RNF130: variants seen among roughly 807,000 people sequenced by gnomAD.
RNF130 encodes E3 ubiquitin-protein ligase RNF130.
In RNF130, 21 loss-of-function variants were observed where a neutral mutation model predicts 44.6. The ratio of observed to expected loss-of-function variants is 0.47; its 90% CI spans 0.33 to 0.68. The LOEUF is 0.68. RNF130 is among the 30% of genes least tolerant of loss of function. The pLI is 0.02. For synonymous variants in RNF130, 214 were observed against 210.4 expected, an observed-to-expected ratio of 1.02 and a Z score of -0.15; for missense variants, 479 against 560.6, an observed-to-expected ratio of 0.85 and a Z score of 1.47.
At chr5:179,972,418 A>G (rs1342835464) in intron 5 of RNF130, among the ~76,000 whole-genome samples, 1 of 152,216 alleles carries the variant, frequency 6.6e-6, no homozygotes, top group Admixed American at 6.5e-5. Context: ...TCAGGCCTAC[A>G]CAGGGTGGAC....
intron 7 of RNF130, among the ~76,000 whole-genome samples, chr5:179,933,435 A>G (rs1282425383): frequency 5.1e-5 from 1 of 19,440 alleles, no homozygotes; most frequent in African/African-American, 1.7e-4. Flanking sequence ...TGTGTGGTAA[A>G]AAGCATATAA....
At chr5:180,048,691 T>A (rs940057945) in intron 1 of RNF130, among the ~76,000 whole-genome samples, 1 of 152,130 alleles carries the variant, frequency 6.6e-6, no homozygotes, top group Non-Finnish European at 1.5e-5. Context: ...TATTTTGCGG[T>A]GAAGAATTCA....
At chr5:180,061,916 A>G (rs909033180) in intron 1 of RNF130, among the ~76,000 whole-genome samples, 2 of 152,182 alleles carry the variant, frequency 1.3e-5, no homozygotes, top group African/African-American at 4.8e-5. Context: ...TGTTTCACAT[A>G]GTTCTGTAGG....
At chr5:179,998,880 T>TAC in intron 3 of RNF130, among the ~76,000 whole-genome samples, 1 of 129,458 alleles carries the variant, frequency 7.7e-6, no homozygotes, top group African/African-American at 2.8e-5. Flanking sequence ...TATATATATA[T>TAC]ATATGTTTTA....
At position 179,966,824 on chromosome 5, in the gene RNF130, T is replaced by C; in HGVS notation, c.1132A>G (p.Ile378Val). ...CACTTACTTGTTACTGCAATGTTGA[T>C]TTCTCCTGTTCTCGGAGTGAGCTCC... ...DGELTPRTGE[I>V]NIAVTKEWFI... is the part of the protein sequence containing the mutation. The change falls in exon 7 of 9, where the codon ATC becomes GTC. Residue 378 changes from isoleucine (I) to valine (V), a missense_variant. Transcript: ENST00000521389. 1 of 1,613,974 alleles carries C rather than the reference T, an allele frequency of 6.2e-7. No individual in the cohort carries two copies. Among genetic ancestry groups the C allele is most frequent in the Non-Finnish European group, 8.5e-7 (1 of 1,179,936 alleles).
At chr5:179,963,696 A>G (rs1033917501) in intron 7 of RNF130, 132 bp from the exon 8 acceptor site, 1 of 683,870 alleles carries the variant, frequency 1.5e-6, no homozygotes, top group African/African-American at 1.8e-5. Flanking sequence ...AAGGAAGTGA[A>G]GCAGGAGGTT....
chr5:179,927,711 C>G (rs1019138676), intron 7 of RNF130, among the ~76,000 whole-genome samples: 2 of 151,554 alleles, frequency 1.3e-5, no homozygotes, highest in Non-Finnish European at 2.9e-5. Flanking sequence ...GCCTCAGTCT[C>G]CTGAGTATGG....
exon 8 of RNF130, chr5:179,918,316 A>G (rs1241591173): frequency 6.6e-6 from 1 of 152,210 alleles, no homozygotes. Flanking sequence ...ACTTCTTCTC[A>G]CGTAATTTCA....
chr5:179,987,171 T>C (rs1471347945), intron 3 of RNF130, among the ~76,000 whole-genome samples: 1 of 152,068 alleles, frequency 6.6e-6, no homozygotes, highest in Non-Finnish European at 1.5e-5. Context: ...TTCTTTCTTC[T>C]ATTTTTTTTC....
At position 180,053,290 on chromosome 5, in the gene RNF130, G is replaced by C. The variant is rs1213660710; in HGVS notation, c.248-12643C>G. On this transcript the variant is annotated intron_variant, in intron 1 of 8. Coordinates refer to ENST00000521389, the MANE Select transcript of RNF130 (RefSeq NM_018434.6). ...GGACAGTGGCCAGGCATATCCCGGT[G>C]AACAGCTGCCCGAACCCAATGCAGG... Among the ~76,000 whole-genome samples, 4 of 152,008 alleles carry C rather than the reference G, an allele frequency of 2.6e-5. No individual in the cohort carries two copies. The East Asian group carries it at 7.7e-4, about 29-fold the overall frequency.
At chr5:179,998,084 C>G (rs902761566) in intron 3 of RNF130, among the ~76,000 whole-genome samples, 1 of 152,184 alleles carries the variant, frequency 6.6e-6, no homozygotes, top group African/African-American at 2.4e-5. Flanking sequence ...TCGTGATCCG[C>G]CACCTTGGCC....
At chr5:180,061,209 G>A (rs1221717157) in intron 1 of RNF130, among the ~76,000 whole-genome samples, 1 of 152,048 alleles carries the variant, frequency 6.6e-6, no homozygotes, top group Admixed American at 6.6e-5. Flanking sequence ...TGATGGCTTA[G>A]GAGCAGCCTC....
chr5:180,049,868 C>T (rs1417242807), intron 1 of RNF130, among the ~76,000 whole-genome samples: 1 of 151,986 alleles, frequency 6.6e-6, no homozygotes, highest in African/African-American at 2.4e-5. Flanking sequence ...TCATTTCCCC[C>T]TTTTCCTCAT....
intron 5 of RNF130, among the ~76,000 whole-genome samples, chr5:179,973,463 T>C (rs139820081): frequency 5.5e-4 from 84 of 152,354 alleles, no homozygotes; most frequent in African/African-American, 2.0e-3. Flanking sequence ...CAAACCACCT[T>C]TCTGCTGTGC....
chr5:179,932,648 G>A (rs147680294), intron 7 of RNF130, among the ~76,000 whole-genome samples: 2,067 of 150,362 alleles, frequency 0.014, 57 homozygotes, highest in African/African-American at 0.048. Context: ...GACCAGCCTG[G>A]CCAACATGGT....
In RNF130 at chr5:180,071,669, G is replaced by A. The variant is rs762554894; in HGVS notation, c.34C>T (p.Leu12Phe). ...CAGGTCAGCAGGGCGAGCGCGGCGA[G>A]CCGGGCAGGGCCCGCCCGCCCCGCG... ...SCAGRAGPAR[L>F]AALALLTCSL... The change falls in exon 1 of 9, where the codon CTC (leucine) becomes TTC (phenylalanine). Residue 12 changes from leucine to phenylalanine, a missense_variant. Around this residue, in one of 3 missense-constraint regions of RNF130, gnomAD observed 138 missense variants for 126.9 expected, o/e 1.09. Transcript: ENST00000521389. 5 of 1,418,854 alleles carry A rather than the reference G, an allele frequency of 3.5e-6. No homozygotes were observed. The highest frequency in any genetic ancestry group is 4.6e-6 in the Non-Finnish European group (5 of 1,082,602). 87.9% of individuals were successfully genotyped at this position (1,418,854 alleles called of 1,614,324 possible). A position where few individuals can be genotyped will look rare whatever the true frequency, so the allele number is the denominator to read the frequency against.
exon 8 of RNF130, chr5:179,918,889 G>A (rs1366006877): frequency 6.6e-6 from 1 of 152,232 alleles, no homozygotes; most frequent in African/African-American, 2.4e-5. Flanking sequence ...CGCGTTAGGA[G>A]AAAAGACACT....
At chr5:179,948,657 A>G (rs1293005867) in intron 7 of RNF130, among the ~76,000 whole-genome samples, 1 of 152,198 alleles carries the variant, frequency 6.6e-6, no homozygotes, top group African/African-American at 2.4e-5. Flanking sequence ...GATGATAGAT[A>G]GAGCGAGACT....
At chr5:180,012,697 G>A (rs1297323185) in intron 3 of RNF130, among the ~76,000 whole-genome samples, 1 of 152,128 alleles carries the variant, frequency 6.6e-6, no homozygotes, top group Non-Finnish European at 1.5e-5. Context: ...CATAGGAAGG[G>A]GAAGAGTGAA....
Sources: gnomAD v4.1 joint callset for allele counts (sites outside exome capture counted in the v4.1 genomes callset) on GRCh38, gnomAD v4.1.1 for gene constraint, gnomAD v4.1.1 regional missense constraint, MANE v1.5 for transcripts, NCBI Gene and HGNC (gene_info 2026-07-23, HGNC 2026-07-21) for gene names.